Variants in RPH3AL observed in about 807,000 individuals in gnomAD.
RPH3AL encodes the protein rab effector Noc2.
In RPH3AL, 38 loss-of-function variants were observed where a neutral mutation model predicts 43.1. The observed-to-expected ratio is 0.88, with a 90% CI of 0.68 to 1.15. The LOEUF (loss-of-function observed/expected upper bound fraction) is 1.15. Ranked by LOEUF, RPH3AL falls within the 50% of genes most tolerant of loss-of-function variation. The pLI is 0.00. For missense variants in RPH3AL, 462 were observed against 423.2 expected (o/e 1.09, Z -0.81); for synonymous variants, 189 against 176.3 (o/e 1.07, Z -0.57).
Position 289,157 on chromosome 17 carries a change from G to A in RPH3AL, c.352-7303C>T, listed in dbSNP as rs140513833. ...CTGAGCCTCACTTCCTCATCTGTAA[G>A]TTGGTGGTAACAGGCCCCCCCACAC... On this transcript the variant is annotated intron_variant, in intron 5 of 9. Transcript: ENST00000331302. This position sits in a 1 kb window ranked among gnomAD's most constrained non-coding sequence, Gnocchi z 5.2. Among the ~76,000 whole-genome samples, 175 of 152,252 alleles carry A rather than the reference G, an allele frequency of 1.1e-3. 1 individual carries two copies. Among genetic ancestry groups the A allele is most frequent in the Non-Finnish European group, 1.8e-3 (125 of 68,016 alleles).
intron 4 of RPH3AL, 50 bp downstream of exon 4, chr17:321,222 G>A (rs368137257): frequency 2.3e-5 from 37 of 1,576,934 alleles, no homozygotes; most frequent in Middle Eastern, 3.6e-4. Flanking sequence ...CTGCGCTTGC[G>A]CCAAAGCCCT....
At chr17:261,215 A>T (rs1489187648) in intron 6 of RPH3AL, among the ~76,000 whole-genome samples, 1 of 152,196 alleles carries the variant, frequency 6.6e-6, no homozygotes, top group Non-Finnish European at 1.5e-5. Context: ...GTGTCCTCCA[A>T]ATCCACATGT....
At chr17:258,441 C>G (rs2042117500) in intron 6 of RPH3AL, among the ~76,000 whole-genome samples, 1 of 152,190 alleles carries the variant, frequency 6.6e-6, no homozygotes, top group African/African-American at 2.4e-5. Context: ...AAACGGACTT[C>G]CTATTTCAGA....
intron 5 of RPH3AL, among the ~76,000 whole-genome samples, chr17:293,429 C>T (rs1477814865): frequency 2.2e-5 from 3 of 138,894 alleles, no homozygotes; most frequent in Admixed American, 7.5e-5. Flanking sequence ...TCAGGGAAAT[C>T]GGGGTATTCA....
rs150659501 is a variant in RPH3AL at position 270,038 on chromosome 17, G to A, written c.438+11730C>T. 5.3e-3 allele frequency among the ~76,000 whole-genome samples: 800 copies of A among 152,238 alleles called. 6 individuals carry two copies. Among genetic ancestry groups the A allele is most frequent in the Non-Finnish European group, 8.8e-3 (601 of 68,000 alleles). On this transcript the variant is annotated intron_variant, in intron 6 of 9. Transcript: ENST00000331302. ...GAGGCCAGGAGGCTGCACTGATAGC[G>A]GGTCTCTCTGGCAGAGCCACAGAGG...
chr17:273,011 G>A (rs2042533403), intron 6 of RPH3AL, among the ~76,000 whole-genome samples: 1 of 120,124 alleles, frequency 8.3e-6, no homozygotes, highest in Non-Finnish European at 2.0e-5. Flanking sequence ...CCCAGCGAGG[G>A]CGACATCAGG....
intron 6 of RPH3AL, among the ~76,000 whole-genome samples, chr17:263,896 C>T (rs1322630495): frequency 1.3e-5 from 2 of 152,148 alleles, no homozygotes; most frequent in Non-Finnish European, 2.9e-5. Context: ...GAATTGTGGC[C>T]GTGGGCACCT....
intron 5 of RPH3AL, among the ~76,000 whole-genome samples, chr17:306,867 C>G (rs2043500750): frequency 6.6e-6 from 1 of 151,964 alleles, no homozygotes; most frequent in Non-Finnish European, 1.5e-5. Flanking sequence ...CTCTCTTCCT[C>G]TCCTTCTCAT....
Position 246,979 on chromosome 17 carries a change from G to T in RPH3AL, c.613+132C>A. 1 of 935,688 alleles carries T rather than the reference G, an allele frequency of 1.1e-6. No individual in the cohort carries two copies. Among genetic ancestry groups the T allele is most frequent in the Non-Finnish European group, 1.7e-6 (1 of 590,692 alleles). The allele number at this position is 935,688 out of a possible 1,614,324, so 58.0% of individuals were successfully genotyped here. A position where few individuals can be genotyped will look rare whatever the true frequency, so the allele number is the denominator to read the frequency against. On this transcript the variant is annotated intron_variant, in intron 7 of 9. Coordinates refer to ENST00000331302, the MANE Select transcript of RPH3AL (RefSeq NM_006987.4). The surrounding 1 kb of genome is among the most constrained non-coding windows in gnomAD (Gnocchi z 4.8). Reference sequence around the variant, plus strand: ...GAAGGTGTGGAGCTGAGGGCACAGGGAGGGACGCATCACCAGAATGAGCCT... The same window carrying T: ...GAAGGTGTGGAGCTGAGGGCACAGGTAGGGACGCATCACCAGAATGAGCCT...
chr17:320,519 C>T (rs959125981), intron 4 of RPH3AL, among the ~76,000 whole-genome samples: 7 of 151,956 alleles, frequency 4.6e-5, no homozygotes, highest in South Asian at 2.1e-4. Flanking sequence ...TGCCCACGCA[C>T]GGTCCTAGCT....
chr17:263,557 A>C (rs2042250387), intron 6 of RPH3AL, among the ~76,000 whole-genome samples: 1 of 152,218 alleles, frequency 6.6e-6, no homozygotes, highest in Non-Finnish European at 1.5e-5. Context: ...ATGATGTGTT[A>C]CTTTGATTAA....
chr17:277,815 G>A (rs1240374391), intron 6 of RPH3AL, among the ~76,000 whole-genome samples: 1 of 152,016 alleles, frequency 6.6e-6, no homozygotes, highest in Non-Finnish European at 1.5e-5. Context: ...AATTAGCTGG[G>A]CGTGGTGGTA....
chr17:273,678 T>C (rs544085595), intron 6 of RPH3AL, among the ~76,000 whole-genome samples: 1 of 152,214 alleles, frequency 6.6e-6, no homozygotes, highest in South Asian at 2.1e-4. Flanking sequence ...TCTGAAGAGA[T>C]CGGAACACGA....
At chr17:285,288 C>T (rs560675371) in intron 5 of RPH3AL, among the ~76,000 whole-genome samples, 21 of 152,276 alleles carry the variant, frequency 1.4e-4, no homozygotes, top group East Asian at 5.8e-4. Context: ...CCGCACGGCA[C>T]GGCGCACAGG....
At chr17:301,325 A>G (rs2043322330) in intron 5 of RPH3AL, among the ~76,000 whole-genome samples, 1 of 152,088 alleles carries the variant, frequency 6.6e-6, no homozygotes, top group Non-Finnish European at 1.5e-5. Context: ...TTTTCTTGAG[A>G]CAGGGTCTCA....
At chr17:218,044 G>A (rs370910338) in intron 8 of RPH3AL, among the ~76,000 whole-genome samples, 1,308 of 54,930 alleles carry the variant, frequency 0.024, no homozygotes, top group Middle Eastern at 0.089. Flanking sequence ...GGCCTCACTG[G>A]AATCAGGACC....
In RPH3AL at chr17:213,648, G is replaced by A. The variant is rs2040722612; in HGVS notation, c.*204C>T. 3.3e-6 allele frequency: 2 copies of A among 604,392 alleles called. No individual in the cohort carries two copies. The highest frequency in any genetic ancestry group is 3.0e-6 in the Non-Finnish European group (1 of 336,542). The allele number at this position is 604,392 out of a possible 1,614,324, so 37.4% of individuals were successfully genotyped here. ...TCGGGGGCTGAGGGCAGTGGTTGGA[G>A]GGGGTGGCGGATGCAGACAGCTCCC... is the stretch of plus-strand genomic sequence containing the variant. On this transcript the variant is annotated 3_prime_UTR_variant, in exon 10 of 10. Transcript: ENST00000331302.
At chr17:335,375 G>A (rs907579817) in intron 1 of RPH3AL, among the ~76,000 whole-genome samples, 1 of 152,086 alleles carries the variant, frequency 6.6e-6, no homozygotes, top group Non-Finnish European at 1.5e-5. Context: ...AGTTGGTGTC[G>A]GCCACAGAGA....
intron 5 of RPH3AL, among the ~76,000 whole-genome samples, chr17:300,993 G>A (rs2043315295): frequency 6.6e-6 from 1 of 152,258 alleles, no homozygotes; most frequent in Admixed American, 6.5e-5. Flanking sequence ...CAGTGAGGCT[G>A]GGCCGTGACT....
Sources: gnomAD v4.1 joint callset for allele counts (sites outside exome capture counted in the v4.1 genomes callset) on GRCh38, gnomAD v4.1.1 for gene constraint, Gnocchi (gnomAD v3.1) non-coding constraint, MANE v1.5 for transcripts, NCBI Gene and HGNC (gene_info 2026-07-23, HGNC 2026-07-21) for gene names.